The following ATG10 variants were observed in gnomAD, a reference collection of about 807,000 sequenced individuals.
ATG10 encodes the protein autophagy related 10.
A neutral mutation model predicts 32.1 loss-of-function variants in ATG10; 30 were observed. The observed-to-expected ratio is 0.94, with a 90% CI of 0.70 to 1.27. ATG10 has a LOEUF of 1.27. ATG10 is among the 50% of genes most tolerant of loss of function. The pLI is 0.00. For missense variants in ATG10, 233 were observed against 262.3 expected (o/e 0.89, Z 0.77); for synonymous variants, 87 against 91.5 (o/e 0.95, Z 0.28).
chr5:82,177,368 A>G (rs1744072132), intron 4 of ATG10, among the ~76,000 whole-genome samples: 1 of 152,126 alleles, frequency 6.6e-6, no homozygotes, highest in Non-Finnish European at 1.5e-5. Flanking sequence ...GTCTTAATAC[A>G]GTGATTTTTG....
At chr5:82,011,134 A>G (rs1762116608) in intron 2 of ATG10, among the ~76,000 whole-genome samples, 2 of 152,186 alleles carry the variant, frequency 1.3e-5, no homozygotes, top group Non-Finnish European at 2.9e-5. Context: ...TATAAATCTC[A>G]AACTCAACAT....
At chr5:82,177,954 A>T (rs1161243501) in intron 4 of ATG10, among the ~76,000 whole-genome samples, 1 of 152,066 alleles carries the variant, frequency 6.6e-6, no homozygotes, top group Non-Finnish European at 1.5e-5. Context: ...TATACTTGTC[A>T]TAGTTTCCTC....
intron 3 of ATG10, among the ~76,000 whole-genome samples, chr5:82,096,062 G>A (rs1267739233): frequency 6.6e-6 from 1 of 152,086 alleles, no homozygotes; most frequent in Non-Finnish European, 1.5e-5. Context: ...CTAGAAACTA[G>A]CATTTATTAC....
At chr5:82,076,418 TAAAGAG>T (rs1378290455) in intron 3 of ATG10, among the ~76,000 whole-genome samples, 1 of 152,218 alleles carries the variant, frequency 6.6e-6, no homozygotes, top group Non-Finnish European at 1.5e-5. Context: ...GACATATACT[TAAAGAG>T]AAGACTAGAA....
intron 5 of ATG10, among the ~76,000 whole-genome samples, chr5:82,231,745 A>G (rs1041525108): frequency 3.9e-5 from 6 of 152,168 alleles, no homozygotes; most frequent in African/African-American, 4.8e-5. Context: ...TTTTAGCTTA[A>G]TGAAATCACT....
intron 2 of ATG10, among the ~76,000 whole-genome samples, chr5:82,053,120 G>A (rs1763480233): frequency 6.6e-6 from 1 of 152,150 alleles, no homozygotes; most frequent in Non-Finnish European, 1.5e-5. Context: ...GAGAGTGCCT[G>A]CTTGTTTTAT....
chr5:82,071,371 TG>T (rs1369438887), intron 3 of ATG10, among the ~76,000 whole-genome samples: 2 of 152,170 alleles, frequency 1.3e-5, no homozygotes, highest in African/African-American at 4.8e-5. Context: ...AGGCTGAGGA[TG>T]GATTCCATGT....
At chr5:82,222,945 G>C (rs1309391938) in intron 5 of ATG10, among the ~76,000 whole-genome samples, 1 of 152,156 alleles carries the variant, frequency 6.6e-6, no homozygotes, top group Non-Finnish European at 1.5e-5. Context: ...TTGTATGCCG[G>C]GTACTTGGTT....
chr5:82,214,795 A>G (rs1745615318), intron 5 of ATG10, among the ~76,000 whole-genome samples: 1 of 152,124 alleles, frequency 6.6e-6, no homozygotes, highest in Non-Finnish European at 1.5e-5. Context: ...ATGGGGAAAC[A>G]AGTGCAAACT....
rs560877691 is a variant in ATG10, at chr5:82,186,892, T to C, written c.453+8305T>C. Among the ~76,000 whole-genome samples, 3 of 152,340 alleles carry C rather than the reference T, an allele frequency of 2.0e-5. No homozygotes were observed. The South Asian group carries it at 6.2e-4, about 32-fold the overall frequency. ...CCACCGCGCCCAGCCAATATTCGTT[T>C]TTTTATCCATTCGGAAATGTTTACT... On this transcript the variant is annotated intron_variant, in intron 5 of 7. Transcript: ENST00000282185.
intron 3 of ATG10, among the ~76,000 whole-genome samples, chr5:82,085,615 G>T (rs922931673): frequency 6.6e-6 from 1 of 151,456 alleles, no homozygotes; most frequent in Non-Finnish European, 1.5e-5. Flanking sequence ...TTGTGTCCAT[G>T]TACCCTAGAA....
At chr5:82,090,524 G>T (rs572628509) in intron 3 of ATG10, among the ~76,000 whole-genome samples, 3 of 152,298 alleles carry the variant, frequency 2.0e-5, no homozygotes, top group African/African-American at 7.2e-5. Flanking sequence ...TGTAGTGAAT[G>T]ATTCCATTTA....
intron 5 of ATG10, among the ~76,000 whole-genome samples, chr5:82,202,160 A>G (rs1204234522): frequency 6.6e-6 from 1 of 152,226 alleles, no homozygotes; most frequent in African/African-American, 2.4e-5. Context: ...TAGCAATGAT[A>G]TGAGGGCCAT....
chr5:82,077,004 G>A (rs1764296718), intron 3 of ATG10, among the ~76,000 whole-genome samples: 1 of 152,180 alleles, frequency 6.6e-6, no homozygotes, highest in African/African-American at 2.4e-5. Context: ...AATGATAGGT[G>A]TCTTCAGGGA....
At chr5:82,125,137 GT>G (rs1766213860) in intron 3 of ATG10, among the ~76,000 whole-genome samples, 1 of 152,072 alleles carries the variant, frequency 6.6e-6, no homozygotes, top group Non-Finnish European at 1.5e-5. Context: ...TGATGGGATT[GT>G]TTTTTTCTTG....
intron 2 of ATG10, among the ~76,000 whole-genome samples, chr5:81,997,477 G>A (rs146545612): frequency 1.3e-3 from 196 of 152,300 alleles, no homozygotes; most frequent in African/African-American, 4.4e-3. Context: ...AACTCAAAAA[G>A]CCAGAGTTGT....
At chr5:82,252,193 G>T (rs1747280184) in intron 5 of ATG10, among the ~76,000 whole-genome samples, 1 of 152,198 alleles carries the variant, frequency 6.6e-6, no homozygotes, top group Non-Finnish European at 1.5e-5. Flanking sequence ...GAATTGTTTA[G>T]GTTGTCAAAC....
chr5:82,251,433 T>C (rs1391569944), intron 5 of ATG10, among the ~76,000 whole-genome samples: 1 of 152,162 alleles, frequency 6.6e-6, no homozygotes, highest in Non-Finnish European at 1.5e-5. Context: ...TGCCAACACT[T>C]AAATGTAGGA....
chr5:81,990,043 G>A (rs1761409799), intron 2 of ATG10, among the ~76,000 whole-genome samples: 1 of 152,060 alleles, frequency 6.6e-6, no homozygotes, highest in Non-Finnish European at 1.5e-5. Context: ...GGGTCTTCTA[G>A]GAATGAGGTC....
Sources: allele counts gnomAD v4.1 joint callset (sites outside exome capture counted in the v4.1 genomes callset), GRCh38; gene constraint gnomAD v4.1.1; transcripts MANE v1.5; gene names NCBI Gene and HGNC (gene_info 2026-07-23, HGNC 2026-07-21).